Variants in MIR2052HG observed in about 807,000 individuals in gnomAD.
MIR2052HG encodes MIR2052 host gene.
intron 4 of MIR2052HG, among the ~76,000 whole-genome samples, chr8:74,714,207 A>T (rs918909637): frequency 6.6e-6 from 1 of 152,192 alleles, no homozygotes; most frequent in Admixed American, 6.5e-5. Context: ...CACCACGAGG[A>T]TGAGAGAATT....
chr8:74,600,875 A>T (rs1807990928), intron 1 of MIR2052HG, among the ~76,000 whole-genome samples: 1 of 152,086 alleles, frequency 6.6e-6, no homozygotes, highest in Non-Finnish European at 1.5e-5. Flanking sequence ...CGCCTGGCCT[A>T]TTTAATTCTT....
chr8:74,672,809 G>T (rs1809007435), intron 2 of MIR2052HG, among the ~76,000 whole-genome samples: 1 of 152,028 alleles, frequency 6.6e-6, no homozygotes, highest in Non-Finnish European at 1.5e-5. Flanking sequence ...ATTATCTGCT[G>T]AATATCTGCT....
intron 4 of MIR2052HG, among the ~76,000 whole-genome samples, chr8:74,722,992 A>G (rs1809594771): frequency 6.6e-6 from 1 of 152,158 alleles, no homozygotes; most frequent in Non-Finnish European, 1.5e-5. Context: ...TTAACACCTG[A>G]TGGGGAACTC....
intron 2 of MIR2052HG, among the ~76,000 whole-genome samples, chr8:74,623,287 A>T (rs929323901): frequency 3.3e-5 from 5 of 152,236 alleles, no homozygotes; most frequent in Admixed American, 1.3e-4. Context: ...GTTTAATAAA[A>T]TTGAAAGCTC....
At chr8:74,620,332 T>C (rs1808344251) in intron 2 of MIR2052HG, among the ~76,000 whole-genome samples, 2 of 152,194 alleles carry the variant, frequency 1.3e-5, no homozygotes, top group South Asian at 4.1e-4. Context: ...AACAGTGGCC[T>C]TTTTCTCATA....
chr8:74,741,159 G>A (rs1809824487), intron 4 of MIR2052HG, among the ~76,000 whole-genome samples: 1 of 152,180 alleles, frequency 6.6e-6, no homozygotes, highest in African/African-American at 2.4e-5. Context: ...GTCTTTGAAT[G>A]ATTTAAAGCC....
At chr8:74,726,049 C>T (rs1397540642) in intron 4 of MIR2052HG, among the ~76,000 whole-genome samples, 2 of 152,146 alleles carry the variant, frequency 1.3e-5, no homozygotes, top group East Asian at 3.9e-4. Context: ...AAAAATTAGC[C>T]AGGTGTGGTC....
intron 2 of MIR2052HG, among the ~76,000 whole-genome samples, chr8:74,655,131 AG>A (rs896084366): frequency 1.3e-5 from 2 of 152,196 alleles, no homozygotes; most frequent in African/African-American, 4.8e-5. Context: ...AGAGCATTCA[AG>A]AGGTGACTTT....
At chr8:74,707,228 T>C (rs547493136) in intron 4 of MIR2052HG, among the ~76,000 whole-genome samples, 1 of 152,182 alleles carries the variant, frequency 6.6e-6, no homozygotes, top group East Asian at 1.9e-4. Context: ...TATTGTTACA[T>C]TGAGTGTTTG....
chr8:74,609,740 A>C (rs1284262648), intron 1 of MIR2052HG: 1 of 148,806 alleles, frequency 6.7e-6, no homozygotes, highest in Non-Finnish European at 1.5e-5. Flanking sequence ...ATAAATAAAT[A>C]ATAATAATAA....
chr8:74,712,691 T>A (rs1254376707), intron 4 of MIR2052HG, among the ~76,000 whole-genome samples: 1 of 121,032 alleles, frequency 8.3e-6, no homozygotes, highest in Non-Finnish European at 1.7e-5. Flanking sequence ...ACTCTTTAGC[T>A]TTTTCTGCCT....
At chr8:74,608,690 T>C (rs1250334984) in intron 1 of MIR2052HG, among the ~76,000 whole-genome samples, 1 of 152,088 alleles carries the variant, frequency 6.6e-6, no homozygotes, top group Admixed American at 6.5e-5. Flanking sequence ...TTGAAAATTA[T>C]AAAGACATTT....
At chr8:74,611,003 A>G (rs1808186878) in intron 1 of MIR2052HG, among the ~76,000 whole-genome samples, 1 of 152,096 alleles carries the variant, frequency 6.6e-6, no homozygotes, top group Admixed American at 6.5e-5. Context: ...ATCAAAATGA[A>G]GAACAGCTCT....
intron 2 of MIR2052HG, among the ~76,000 whole-genome samples, chr8:74,680,669 T>G (rs1202697906): frequency 2.0e-5 from 3 of 152,138 alleles, no homozygotes; most frequent in Non-Finnish European, 4.4e-5. Context: ...TCCTCAGGGA[T>G]CTAGAACTAG....
At position 74,720,129 on chromosome 8, in the gene MIR2052HG, G is replaced by A. The variant is rs557906325; in HGVS notation, n.371+16447G>A. Among the ~76,000 whole-genome samples the A allele has an allele frequency of 1.8e-3, 279 of 152,234 alleles. No individual in the cohort carries two copies. In the Middle Eastern group the frequency reaches 0.02, roughly 11 times the overall value. ...CTCCCAAAGTGTTGGGATTACAGGC[G>A]TGAGCCACCACGCCCAGGCTTCAGT... On this transcript the variant is annotated intron_variant and non_coding_transcript_variant, in intron 4 of 6. Coordinates refer to ENST00000523442, the Ensembl canonical transcript of MIR2052HG.
At chr8:74,747,750 G>A (rs1809901806) in intron 4 of MIR2052HG, among the ~76,000 whole-genome samples, 1 of 152,126 alleles carries the variant, frequency 6.6e-6, no homozygotes, top group Admixed American at 6.6e-5. Flanking sequence ...TAATTTGGAA[G>A]ACAATGTATT....
At chr8:74,740,017 T>C (rs1357413343) in intron 4 of MIR2052HG, among the ~76,000 whole-genome samples, 4 of 152,228 alleles carry the variant, frequency 2.6e-5, no homozygotes, top group African/African-American at 9.6e-5. Context: ...TAAAATAATT[T>C]AACAAATGCA....
rs951446501 is a variant in MIR2052HG at position 74,641,946 on chromosome 8, A to G, written n.216+29006A>G. Among the ~76,000 whole-genome samples, 2 of 152,152 alleles carry G rather than the reference A, an allele frequency of 1.3e-5. 1 individual carries two copies. Among genetic ancestry groups the G allele is most frequent in the East Asian group, 3.9e-4 (2 of 5,194 alleles). The stretch of plus-strand genomic sequence containing the variant: ...GGGCCTTGTGCAGATGCCTGGGCCC[A>G]GAAGGCATTGAGTGCTGCTGGTGAG... On this transcript the variant is annotated intron_variant and non_coding_transcript_variant, in intron 2 of 6. Coordinates refer to ENST00000523442, the Ensembl canonical transcript of MIR2052HG.
At chr8:74,608,346 A>G (rs1808143024) in intron 1 of MIR2052HG, among the ~76,000 whole-genome samples, 1 of 152,194 alleles carries the variant, frequency 6.6e-6, no homozygotes, top group Non-Finnish European at 1.5e-5. Context: ...AAGAGAAAAT[A>G]ATTTTTTAAA....
Sources: gnomAD v4.1 joint callset for allele counts (sites outside exome capture counted in the v4.1 genomes callset) on GRCh38, gnomAD v4.1.1 for gene constraint, MANE v1.5 for transcripts, NCBI Gene and HGNC (gene_info 2026-07-23, HGNC 2026-07-21) for gene names.